ZEB2: variants seen among roughly 807,000 people sequenced by gnomAD.
The protein encoded by ZEB2 is zinc finger E-box-binding homeobox 2.
A neutral mutation model predicts 99.9 loss-of-function variants in ZEB2; 6 were observed. The ratio of observed to expected loss-of-function variants is 0.06; its 90% CI spans 0.03 to 0.12. The LOEUF (loss-of-function observed/expected upper bound fraction) is 0.12, where lower values mean the gene tolerates loss of function less well. Among genes scored for constraint, ZEB2 ranks in the 10% least tolerant of loss-of-function variants. The pLI, the probability that ZEB2 is intolerant of heterozygous loss-of-function variation, is 1.00. For synonymous variants in ZEB2, 517 were observed against 542.5 expected (o/e 0.95, Z 0.65); for missense variants, 969 against 1,502.8 (o/e 0.64, Z 5.87).
At chr2:144,424,381 A>T (rs1212351746) in intron 4 of ZEB2, 1 of 519,528 alleles carries the variant, frequency 1.9e-6, no homozygotes, top group South Asian at 1.4e-5. Flanking sequence ...TTTCTGAAAA[A>T]AAAATTTTAC....
At chr2:144,417,615 G>T (rs1392125587) in intron 4 of ZEB2, among the ~76,000 whole-genome samples, 1 of 152,072 alleles carries the variant, frequency 6.6e-6, no homozygotes, top group Non-Finnish European at 1.5e-5. Flanking sequence ...GTATTCCATT[G>T]GGTATATATA....
At chr2:144,390,054 G>A in intron 9 of ZEB2, 26 bp from the exon 10 acceptor site, 1 of 1,597,102 alleles carries the variant, frequency 6.3e-7, no homozygotes, top group Non-Finnish European at 8.5e-7. Flanking sequence ...AGATGACAGG[G>A]TGATTAGTGT....
chr2:144,479,447 G>C (rs549001593), intron 2 of ZEB2, among the ~76,000 whole-genome samples: 2 of 152,236 alleles, frequency 1.3e-5, no homozygotes, highest in South Asian at 4.1e-4. Flanking sequence ...AAGGCTGTGC[G>C]GGTCCTGCCA....
chr2:144,475,602 T>C (rs1704419280), intron 2 of ZEB2, among the ~76,000 whole-genome samples: 1 of 152,178 alleles, frequency 6.6e-6, no homozygotes, highest in East Asian at 1.9e-4. Flanking sequence ...ACTTTTCTCA[T>C]AGAAGTATTT....
chr2:144,441,592 G>A (rs1703918982), intron 2 of ZEB2, among the ~76,000 whole-genome samples: 1 of 150,246 alleles, frequency 6.7e-6, no homozygotes, highest in South Asian at 2.1e-4. Context: ...AGGTGGCAAG[G>A]AAAATTCCTC....
intron 2 of ZEB2, among the ~76,000 whole-genome samples, chr2:144,451,655 C>T (rs1002707254): frequency 1.3e-5 from 2 of 152,212 alleles, no homozygotes; most frequent in African/African-American, 2.4e-5. Flanking sequence ...GCTAGCAATA[C>T]TCTTACCTCC....
chr2:144,510,041 C>A (rs1476844683), intron 2 of ZEB2, among the ~76,000 whole-genome samples: 1 of 151,730 alleles, frequency 6.6e-6, no homozygotes. Flanking sequence ...CTAAAAAAAT[C>A]TGAAAAAAAA....
intron 2 of ZEB2, among the ~76,000 whole-genome samples, chr2:144,510,260 T>C (rs1373717761): frequency 6.6e-6 from 1 of 152,122 alleles, no homozygotes; most frequent in Non-Finnish European, 1.5e-5. Flanking sequence ...TCTTTTCCAG[T>C]TTTCCTGAGG....
intron 2 of ZEB2, among the ~76,000 whole-genome samples, chr2:144,465,782 C>G (rs964706885): frequency 3.3e-5 from 5 of 152,144 alleles, no homozygotes; most frequent in Admixed American, 6.6e-5. Context: ...GTAACTTATT[C>G]AGTGTCACTC....
At chr2:144,427,326 C>T (rs986393237) in intron 3 of ZEB2, 1 of 152,092 alleles carries the variant, frequency 6.6e-6, no homozygotes, top group Admixed American at 6.5e-5. Flanking sequence ...GTGCTGGAAC[C>T]GGAAAGGCAC....
Position 144,399,589 on chromosome 2 carries a change from A to G in ZEB2, c.1598T>C (p.Val533Ala). 1.2e-6 allele frequency: 2 copies of G among 1,614,134 alleles called. No homozygotes were observed. Among genetic ancestry groups the G allele is most frequent in the Non-Finnish European group, 1.7e-6 (2 of 1,180,016 alleles). The change falls in exon 8 of 10, where the codon GTC becomes GCC. Residue 533 changes from valine (V) to alanine (A), a missense_variant. Physicochemically the swap from Val to Ala is moderately conservative, Grantham distance 64. Transcript: ENST00000627532. This position sits in a 1 kb window ranked among gnomAD's most constrained non-coding sequence, Gnocchi z 5.6. The stretch of plus-strand genomic sequence containing the variant: ...CTGGAGGCAAGCTTTGGCTTCATTG[A>G]CTTTTTCCAACGTATAGTCAATAAT... ...KSIIDYTLEK[V>A]NEAKACLQSL...
At chr2:144,407,355 T>C (rs191088093) in intron 4 of ZEB2, among the ~76,000 whole-genome samples, 174 of 152,348 alleles carry the variant, frequency 1.1e-3, no homozygotes, top group African/African-American at 3.9e-3. Flanking sequence ...CTGGACTTAA[T>C]AAAGAATATG....
Position 144,387,585 on chromosome 2 carries a change from T to C in ZEB2, c.*1866A>G, listed in dbSNP as rs1431240473. 3.3e-5 allele frequency: 5 copies of C among 152,194 alleles called. No individual in the cohort carries two copies. Among genetic ancestry groups the C allele is most frequent in the African/African-American group, 9.6e-5 (4 of 41,454 alleles). The allele number at this position is 152,194 out of a possible 1,614,324, so 9.4% of individuals were successfully genotyped here. ...GCATTTCAAAAAGTGAGATAAACTA[T>C]CCCAATCCTTTAAAAAAGGTTACAT... On this transcript the variant is annotated 3_prime_UTR_variant, in exon 10 of 10. Coordinates refer to ENST00000627532, the MANE Select transcript of ZEB2 (RefSeq NM_014795.4).
At chr2:144,490,360 T>C (rs1704659940) in intron 2 of ZEB2, among the ~76,000 whole-genome samples, 1 of 152,218 alleles carries the variant, frequency 6.6e-6, no homozygotes, top group African/African-American at 2.4e-5. Context: ...TTATTATTAA[T>C]ATCACCACTG....
At chr2:144,396,782 A>T in intron 8 of ZEB2, among the ~76,000 whole-genome samples, 190 bp from the exon 9 acceptor site, 1 of 152,210 alleles carries the variant, frequency 6.6e-6, no homozygotes, top group East Asian at 1.9e-4. Context: ...CGCAACAAAA[A>T]TATAAACTTC....
At chr2:144,516,892 C>G (rs1163095011) in intron 2 of ZEB2, 2 of 152,134 alleles carry the variant, frequency 1.3e-5, no homozygotes, top group East Asian at 3.9e-4. Flanking sequence ...CGCCTGGGCC[C>G]CCGCCCTGCC....
At chr2:144,516,977 G>C (rs1238918640) in intron 2 of ZEB2, among the ~76,000 whole-genome samples, 1 of 150,576 alleles carries the variant, frequency 6.6e-6, no homozygotes, top group Non-Finnish European at 1.5e-5. Flanking sequence ...CGGAGGCGGA[G>C]GGAGGGCGGA....
In ZEB2 at chr2:144,497,667, C is replaced by T. The variant is rs1256251085; in HGVS notation, c.73+19611G>A. On this transcript the variant is annotated intron_variant, in intron 2 of 9. Coordinates refer to ENST00000627532, the MANE Select transcript of ZEB2 (RefSeq NM_014795.4). ...ATAGCAGAATGAACTGAGTTAAGCT[C>T]ACATGGCAAACTTTGAAACAAAAAA... 3 of 166,688 alleles carry T rather than the reference C, an allele frequency of 1.8e-5. No homozygotes were observed. The East Asian group carries it at 5.9e-4, about 33-fold the overall frequency. The allele number at this position is 166,688 out of a possible 1,614,324, so 10.3% of individuals were successfully genotyped here.
At position 144,399,868 on chromosome 2, in the gene ZEB2, C is replaced by T; in HGVS notation, c.1319G>A (p.Gly440Asp). The T allele has an allele frequency of 6.2e-7, 1 of 1,614,180 alleles. No homozygotes were observed. Among genetic ancestry groups the T allele is most frequent in the Non-Finnish European group, 8.5e-7 (1 of 1,180,024 alleles). The change falls in exon 8 of 10, where the codon GGT becomes GAT. Residue 440 changes from glycine to aspartate, a missense_variant. Gly to Asp is a moderately conservative substitution (Grantham distance 94). Coordinates refer to ENST00000627532, the MANE Select transcript of ZEB2 (RefSeq NM_014795.4). The surrounding 1 kb of genome is among the most constrained non-coding windows in gnomAD (Gnocchi z 5.6). ...PSAQSPMQHL[G>D]VGMEAPLLGF... ...AAGTAAAGGGGCTTCCATCCCTACA[C>T]CTAAGTGCTGCATTGGACTCTGAGC...
Sources: allele counts gnomAD v4.1 joint callset (sites outside exome capture counted in the v4.1 genomes callset), GRCh38; gene constraint gnomAD v4.1.1; non-coding constraint Gnocchi (gnomAD v3.1); transcripts MANE v1.5; gene names NCBI Gene and HGNC (gene_info 2026-07-23, HGNC 2026-07-21).